LAMA1: variants seen among roughly 807,000 people sequenced by gnomAD.
The protein encoded by LAMA1 is laminin subunit alpha 1, also known as laminin subunit alpha-1.
LAMA1 carries 219 observed loss-of-function variants against 348.7 expected under a neutral mutation model. The observed-to-expected ratio is 0.63, with a 90% CI of 0.56 to 0.70. The LOEUF (loss-of-function observed/expected upper bound fraction) is 0.70, where lower values mean the gene tolerates loss of function less well. LAMA1 is among the 30% of genes least tolerant of loss of function. The pLI, the probability that LAMA1 is intolerant of heterozygous loss-of-function variation, is 0.00. For synonymous variants in LAMA1, 1,487 were observed against 1,491.0 expected (o/e 1.00, Z 0.06); for missense variants, 3,744 against 3,888.0 (o/e 0.96, Z 0.99).
At chr18:7,015,624 A>C (rs1240651335) in intron 22 of LAMA1, 98 bp downstream of exon 22, 35 of 1,435,170 alleles carry the variant, frequency 2.4e-5, no homozygotes, top group Non-Finnish European at 3.3e-5. Context: ...AAGCTATTCA[A>C]CAGATTAAAG....
In LAMA1 at chr18:7,023,278, A is replaced by G; in HGVS notation, c.2587T>C (p.Cys863Arg). The change falls in exon 19 of 63, where the codon TGT becomes CGT. Residue 863 changes from cysteine (C) to arginine (R), a missense_variant. Cys to Arg is a radical substitution (Grantham distance 180). Around this residue, in one of 3 missense-constraint regions of LAMA1, gnomAD observed 1,529 missense variants for 1,689.4 expected, o/e 0.91. Coordinates refer to ENST00000389658, the MANE Select transcript of LAMA1 (RefSeq NM_005559.4). ...AGGCACTCCCCGGTGACTGAGTCACAGTGACCAGCCTCCGAGGGGTCCACG... is the reference window on the plus strand; with the variant it reads ...AGGCACTCCCCGGTGACTGAGTCACGGTGACCAGCCTCCGAGGGGTCCACG... ...GNVDPSEAGH[C>R]DSVTGECLKC... 6.2e-7 allele frequency: 1 copy of G among 1,614,176 alleles called. No individual in the cohort carries two copies. Among genetic ancestry groups the G allele is most frequent in the Non-Finnish European group, 8.5e-7 (1 of 1,180,036 alleles).
intron 58 of LAMA1, 116 bp from the exon 59 acceptor site, chr18:6,949,375 A>G: frequency 9.7e-7 from 1 of 1,029,668 alleles, no homozygotes; most frequent in East Asian, 2.5e-5. Context: ...ACCTGAATGC[A>G]ATGCTAAAGG....
intron 1 of LAMA1, among the ~76,000 whole-genome samples, chr18:7,093,332 C>T (rs1034501784): frequency 1.3e-5 from 2 of 152,114 alleles, no homozygotes; most frequent in Admixed American, 6.5e-5. Context: ...AGGAGAATGG[C>T]ATGAACCCGG....
rs1416484768 is a variant in LAMA1 at position 7,080,155 on chromosome 18, C to T, written c.233-68G>A. On this transcript the variant is annotated intron_variant, in intron 2 of 62. Coordinates refer to ENST00000389658, the MANE Select transcript of LAMA1 (RefSeq NM_005559.4). ...GCTTTAAATTTCTTAAGTTCTAAACCGTAATGCTAGTGGAAACAAAGAGCA... is the reference window on the plus strand; with the variant it reads ...GCTTTAAATTTCTTAAGTTCTAAACTGTAATGCTAGTGGAAACAAAGAGCA... 13 of 1,562,256 alleles carry T rather than the reference C, an allele frequency of 8.3e-6. No homozygotes were observed. The highest frequency in any genetic ancestry group is 3.4e-5 in the Admixed American group (2 of 59,262).
chr18:6,976,036 G>A lies in LAMA1; in HGVS notation c.6390C>T (p.Tyr2130=). The A allele has an allele frequency of 1.2e-6, 2 of 1,614,172 alleles. No individual in the cohort carries two copies. The highest frequency in any genetic ancestry group is 1.7e-6 in the Non-Finnish European group (2 of 1,180,038). ...VSADRDCIRA[Y]QPQISSTNYN... ...AGTTGGTAGAGGAAATCTGAGGCTG[G>A]TAGGCCCGGATGCAATCTCTGTCTG... is the stretch of plus-strand genomic sequence containing the variant. The change falls in exon 45 of 63, where the codon TAC becomes TAT. Residue 2130 remains tyrosine, a synonymous_variant. Coordinates refer to ENST00000389658, the MANE Select transcript of LAMA1 (RefSeq NM_005559.4).
chr18:7,094,059 G>C (rs1291808331), intron 1 of LAMA1, among the ~76,000 whole-genome samples: 1 of 152,126 alleles, frequency 6.6e-6, no homozygotes, highest in Non-Finnish European at 1.5e-5. Flanking sequence ...TTATAGGAGT[G>C]AGCCACTACG....
chr18:6,972,690 TA>T (rs1255079312), intron 47 of LAMA1, among the ~76,000 whole-genome samples: 7 of 152,320 alleles, frequency 4.6e-5, no homozygotes, highest in South Asian at 2.1e-4. Context: ...CATATGCTTT[TA>T]TTTTTTTATT....
chr18:7,098,319 G>GAT (rs2058271984), intron 1 of LAMA1, among the ~76,000 whole-genome samples: 1 of 151,570 alleles, frequency 6.6e-6, no homozygotes, highest in Non-Finnish European at 1.5e-5. Context: ...CATCGTCTGG[G>GAT]ATGTGAGGAG....
At chr18:7,110,853 C>A (rs2058332659) in intron 1 of LAMA1, among the ~76,000 whole-genome samples, 1 of 148,342 alleles carries the variant, frequency 6.7e-6, no homozygotes, top group South Asian at 2.2e-4. Flanking sequence ...GTATGGTGTA[C>A]CATAATCAAC....
At chr18:7,008,233 A>G (rs185253313) in intron 28 of LAMA1, among the ~76,000 whole-genome samples, 54 of 152,288 alleles carry the variant, frequency 3.5e-4, no homozygotes, top group African/African-American at 1.3e-3. Flanking sequence ...GATGATAAAA[A>G]GTTCTGAGGA....
intron 5 of LAMA1, among the ~76,000 whole-genome samples, chr18:7,047,280 T>C (rs1298199172): frequency 6.6e-6 from 1 of 152,122 alleles, no homozygotes; most frequent in African/African-American, 2.4e-5. Flanking sequence ...CCTGACCTCG[T>C]GATCCACCCG....
rs550736022 is a variant in LAMA1, at chr18:7,096,488, G to A, written c.62-16031C>T. Among the ~76,000 whole-genome samples the A allele has an allele frequency of 2.6e-4, 39 of 152,138 alleles. No homozygotes were observed. In the South Asian group the frequency reaches 7.9e-3, roughly 31 times the overall value. On this transcript the variant is annotated intron_variant, in intron 1 of 62. Transcript: ENST00000389658. ...GCCCAGGAGTACAACACCAGCCTGG[G>A]TAACAATTTTTTTTTAATTAGCTGG...
chr18:7,091,369 G>A (rs1023659563), intron 1 of LAMA1, among the ~76,000 whole-genome samples: 1 of 152,126 alleles, frequency 6.6e-6, no homozygotes, highest in African/African-American at 2.4e-5. Flanking sequence ...CCTTTAAGTT[G>A]AATAATGACA....
rs1000455853 is a variant in LAMA1 at position 7,027,663 on chromosome 18, C to T, written c.2275-1557G>A. 2.6e-5 allele frequency among the ~76,000 whole-genome samples: 4 copies of T among 152,234 alleles called. No individual in the cohort carries two copies. The East Asian group carries it at 7.7e-4, about 29-fold the overall frequency. On this transcript the variant is annotated intron_variant, in intron 16 of 62. Transcript: ENST00000389658. ...CAGGCTTTTAAAACACTGTTATAGG[C>T]CAGGCGCGGTGGTTCACGCCTGTAA...
chr18:7,098,298 G>T (rs2058271728), intron 1 of LAMA1, among the ~76,000 whole-genome samples: 1 of 152,006 alleles, frequency 6.6e-6, no homozygotes. Flanking sequence ...GAGTGTCTCT[G>T]CCTGGCCGCC....
In LAMA1 at chr18:7,012,139, C is replaced by T. The variant is rs757826182; in HGVS notation, c.3364-1G>A. ...TGCACTGAGGACCAAAGACATTTTC[C>T]TACAGGGGAGCAAATAAAGGACTCG... is the stretch of plus-strand genomic sequence containing the variant. On this transcript the variant is annotated splice_acceptor_variant, in intron 23 of 62. Coordinates refer to ENST00000389658, the MANE Select transcript of LAMA1 (RefSeq NM_005559.4). LOFTEE classifies it high-confidence loss of function. 2 of 1,613,886 alleles carry T rather than the reference C, an allele frequency of 1.2e-6. No homozygotes were observed. The highest frequency in any genetic ancestry group is 1.7e-6 in the Non-Finnish European group (2 of 1,179,912).
Position 7,011,750 on chromosome 18 carries a change from C to G in LAMA1, c.3507+245G>C, listed in dbSNP as rs1007813023. Among the ~76,000 whole-genome samples the G allele has an allele frequency of 5.9e-5, 9 of 152,308 alleles. No individual in the cohort carries two copies. The East Asian group carries it at 1.7e-3, about 29-fold the overall frequency. On this transcript the variant is annotated intron_variant, in intron 24 of 62. Coordinates refer to ENST00000389658, the MANE Select transcript of LAMA1 (RefSeq NM_005559.4). ...GAGATTTTGCAGTTCTATCTTCTCT[C>G]CAATGAAAGCTTTTCATAGATTAGC...
At chr18:6,950,663 G>A (rs2057542324) in intron 58 of LAMA1, 119 bp downstream of exon 58, 1 of 1,157,886 alleles carries the variant, frequency 8.6e-7, no homozygotes, top group Non-Finnish European at 1.3e-6. Flanking sequence ...GGAGACACCA[G>A]ACACACACGG....
chr18:7,055,506 T>C (rs2058078222), intron 3 of LAMA1, among the ~76,000 whole-genome samples: 1 of 147,494 alleles, frequency 6.8e-6, no homozygotes. Context: ...CATACACATA[T>C]ATGTGTATGT....
Sources: gnomAD v4.1 joint callset for allele counts (sites outside exome capture counted in the v4.1 genomes callset) on GRCh38, gnomAD v4.1.1 for gene constraint, gnomAD v4.1.1 regional missense constraint, MANE v1.5 for transcripts, NCBI Gene and HGNC (gene_info 2026-07-23, HGNC 2026-07-21) for gene names.